Variants in CLEC19A observed in about 807,000 individuals in gnomAD.
CLEC19A encodes C-type lectin domain family 19 member A.
In CLEC19A, 21 loss-of-function variants were observed where a neutral mutation model predicts 26.1. The observed-to-expected ratio is 0.80, with a 90% CI of 0.57 to 1.16. The LOEUF is 1.16. CLEC19A is among the 50% of genes most tolerant of loss of function. The probability of loss-of-function intolerance (pLI) is 0.00; values close to 1 mark genes in which losing one functional copy is unlikely to be tolerated. For synonymous variants in CLEC19A, 89 were observed against 88.6 expected, an observed-to-expected ratio of 1.00 and a Z score of -0.03; for missense variants, 224 against 227.6, an observed-to-expected ratio of 0.98 and a Z score of 0.10.
intron 1 of CLEC19A, among the ~76,000 whole-genome samples, chr16:19,289,587 C>G (rs763635484): frequency 3.3e-5 from 5 of 152,220 alleles, no homozygotes; most frequent in Non-Finnish European, 7.3e-5. Context: ...GAGCCTTAGT[C>G]TCCTCATCTG....
intron 2 of CLEC19A, among the ~76,000 whole-genome samples, chr16:19,302,108 C>A (rs1440008698): frequency 6.6e-6 from 1 of 152,098 alleles, no homozygotes; most frequent in Non-Finnish European, 1.5e-5. Context: ...CTTCCACTTT[C>A]CTTCCTCTTT....
At chr16:19,299,237 C>T (rs73534538) in intron 2 of CLEC19A, among the ~76,000 whole-genome samples, 11,054 of 152,260 alleles carry the variant, frequency 0.073, 1,335 homozygotes, top group African/African-American at 0.25. Context: ...AACTGATACA[C>T]TACATATATA....
intron 2 of CLEC19A, among the ~76,000 whole-genome samples, chr16:19,302,534 G>A (rs1002778396): frequency 2.0e-5 from 3 of 152,188 alleles, no homozygotes; most frequent in African/African-American, 7.2e-5. Context: ...GTTTTGAAGC[G>A]AAGTATTAGG....
chr16:19,301,744 T>G (rs179217), intron 2 of CLEC19A, among the ~76,000 whole-genome samples: 26 of 99,584 alleles, frequency 2.6e-4, no homozygotes, highest in East Asian at 9.0e-4. Context: ...TGGTTTTTTT[T>G]TTTTTTTTTT....
Position 19,309,055 on chromosome 16 carries a change from G to A in CLEC19A, c.533G>A (p.Cys178Tyr), listed in dbSNP as rs1361450948. ...NTCSRKFPFV[C>Y]KIPSLTIH ...TGCAGCCGGAAGTTCCCCTTTGTCT[G>A]CAAAATCCCATCTCTGACCATTCAT... The change falls in exon 5 of 5, where the codon TGC becomes TAC. Residue 178 changes from cysteine to tyrosine, a missense_variant. By Grantham distance (194) the Cys-to-Tyr change is radical. Coordinates refer to ENST00000636231, the MANE Select transcript of CLEC19A (RefSeq NM_001256720.2). 1.3e-5 allele frequency: 20 copies of A among 1,548,136 alleles called. No homozygotes were observed. Among genetic ancestry groups the A allele is most frequent in the Non-Finnish European group, 1.7e-5 (20 of 1,146,730 alleles).
intron 1 of CLEC19A, among the ~76,000 whole-genome samples, chr16:19,289,543 T>C (rs894673522): frequency 1.3e-5 from 2 of 152,170 alleles, no homozygotes; most frequent in African/African-American, 4.8e-5. Context: ...CTCTGCCACT[T>C]TTGAGCCAAG....
chr16:19,298,730 G>T lies in CLEC19A; in HGVS notation c.146G>T (p.Gly49Val). Reference sequence around the variant, plus strand: ...CCCCTGTTCTGGATGGAGTTCAAAGGCCACTGCTATCGATTCTTCCCTCTC... The same window carrying T: ...CCCCTGTTCTGGATGGAGTTCAAAGTCCACTGCTATCGATTCTTCCCTCTC... The part of the protein sequence containing the change: ...LCPLFWMEFK[G>V]HCYRFFPLNK... The change falls in exon 2 of 5, where the codon GGC becomes GTC. Residue 49 changes from glycine (G) to valine (V), a missense_variant. Gly to Val is a moderately radical substitution (Grantham distance 109). Coordinates refer to ENST00000636231, the MANE Select transcript of CLEC19A (RefSeq NM_001256720.2). 1 of 1,550,972 alleles carries T rather than the reference G, an allele frequency of 6.4e-7. No homozygotes were observed. The highest frequency in any genetic ancestry group is 8.7e-7 in the Non-Finnish European group (1 of 1,147,094).
chr16:19,289,156 G>T (rs2143008461), intron 1 of CLEC19A, among the ~76,000 whole-genome samples: 1 of 152,314 alleles, frequency 6.6e-6, no homozygotes, highest in East Asian at 1.9e-4. Flanking sequence ...TAGAGACATA[G>T]GCAACGGTGT....
At chr16:19,294,538 G>A (rs2143009269) in intron 1 of CLEC19A, among the ~76,000 whole-genome samples, 2 of 152,304 alleles carry the variant, frequency 1.3e-5, no homozygotes, top group South Asian at 4.2e-4. Flanking sequence ...TCAGTGGAAA[G>A]GAAACCAGGG....
intron 1 of CLEC19A, among the ~76,000 whole-genome samples, chr16:19,289,767 A>G (rs916037645): frequency 6.6e-6 from 1 of 152,230 alleles, no homozygotes. Context: ...CAAAGCTTAG[A>G]TAGGAGAGAC....
At chr16:19,307,825 C>T (rs1282096354) in intron 4 of CLEC19A, 148 bp downstream of exon 4, 1 of 1,045,356 alleles carries the variant, frequency 9.6e-7, no homozygotes, top group African/African-American at 1.6e-5. Context: ...GTGGAGGTCA[C>T]TAGGGTGTCG....
At chr16:19,286,015 G>A in intron 1 of CLEC19A, 76 bp downstream of exon 1, 8 of 1,420,774 alleles carry the variant, frequency 5.6e-6, no homozygotes, top group Non-Finnish European at 7.7e-6. Flanking sequence ...GGTGAGGCCT[G>A]GCAGCTTCTG....
rs1230483837 is a variant in CLEC19A, at chr16:19,310,156, A to G, written c.*1073A>G. ...CACTCCTAGATCTCGACCTAAGAGA[A>G]TCGGAAACAGGTATTTAAATATAAG... On this transcript the variant is annotated 3_prime_UTR_variant, in exon 5 of 5. Transcript: ENST00000636231. The G allele has an allele frequency of 2.0e-5, 3 of 152,154 alleles. No individual in the cohort carries two copies. Among genetic ancestry groups the G allele is most frequent in the Non-Finnish European group, 4.4e-5 (3 of 68,032 alleles). 9.4% of individuals were successfully genotyped at this position (152,154 alleles called of 1,614,324 possible).
rs1897448977 is a variant in CLEC19A at position 19,285,745 on chromosome 16, C to T, written c.-107C>T. ...GGAGTCCATCCAGTCTGTCCCAGCT[C>T]CTGCCAGGCTCCATCTGACCCTAGG... On this transcript the variant is annotated 5_prime_UTR_variant, in exon 1 of 5. Transcript: ENST00000636231. 1.1e-6 allele frequency: 1 copy of T among 902,198 alleles called. No individual in the cohort carries two copies. The highest frequency in any genetic ancestry group is 1.8e-6 in the Non-Finnish European group (1 of 567,954). 55.9% of individuals were successfully genotyped at this position (902,198 alleles called of 1,614,324 possible). A position where few individuals can be genotyped will look rare whatever the true frequency, so the allele number is the denominator to read the frequency against.
At chr16:19,304,041 C>A in intron 2 of CLEC19A, 21 bp from the exon 3 acceptor site, 1 of 1,539,212 alleles carries the variant, frequency 6.5e-7, no homozygotes, top group East Asian at 2.5e-5. Context: ...GAATCAGCTA[C>A]TATTATTCTT....
At chr16:19,292,544 A>G (rs1897612884) in intron 1 of CLEC19A, among the ~76,000 whole-genome samples, 1 of 152,184 alleles carries the variant, frequency 6.6e-6, no homozygotes, top group African/African-American at 2.4e-5. Flanking sequence ...ACATGTATTT[A>G]TGCATTCAAG....
chr16:19,306,745 C>T (rs1169751966), intron 3 of CLEC19A, among the ~76,000 whole-genome samples: 1 of 146,198 alleles, frequency 6.8e-6, no homozygotes, highest in Non-Finnish European at 1.5e-5. Flanking sequence ...AACTCCACCA[C>T]ACAGATGTGG....
At position 19,304,046 on chromosome 16, in the gene CLEC19A, A is replaced by C. The variant is rs1897892402; in HGVS notation, c.255-16A>C. 6.5e-7 allele frequency: 1 copy of C among 1,541,906 alleles called. No individual in the cohort carries two copies. The highest frequency in any genetic ancestry group is 8.8e-7 in the Non-Finnish European group (1 of 1,140,030). On this transcript the variant is annotated splice_polypyrimidine_tract_variant and intron_variant, in intron 2 of 4. Coordinates refer to ENST00000636231, the MANE Select transcript of CLEC19A (RefSeq NM_001256720.2). ...AGGCCATGAGGAATCAGCTACTATT[A>C]TTCTTAAATTCGCAGCTGGGAGGAG...
Position 19,310,082 on chromosome 16 carries a change from G to T in CLEC19A, c.*999G>T, listed in dbSNP as rs1040794553. On this transcript the variant is annotated 3_prime_UTR_variant, in exon 5 of 5. Coordinates refer to ENST00000636231, the MANE Select transcript of CLEC19A (RefSeq NM_001256720.2). ...AGTGAAGCCACTGTGGAAAAGTTTG[G>T]CAGTTCCTCAAAAAGTTAAACATAG... is the stretch of plus-strand genomic sequence containing the variant. 2 of 152,176 alleles carry T rather than the reference G, an allele frequency of 1.3e-5. No individual in the cohort carries two copies. Among genetic ancestry groups the T allele is most frequent in the African/African-American group, 4.8e-5 (2 of 41,418 alleles). 9.4% of individuals were successfully genotyped at this position (152,176 alleles called of 1,614,324 possible).
Sources: gnomAD v4.1 joint callset for allele counts (sites outside exome capture counted in the v4.1 genomes callset) on GRCh38, gnomAD v4.1.1 for gene constraint, MANE v1.5 for transcripts, NCBI Gene and HGNC (gene_info 2026-07-23, HGNC 2026-07-21) for gene names.